The following AKT1S1 variants were observed in gnomAD, a reference collection of about 807,000 sequenced individuals.
AKT1S1 encodes proline-rich AKT1 substrate 1.
Under a neutral mutation model 21.2 loss-of-function variants are expected in AKT1S1, and 17 were observed. The ratio of observed to expected loss-of-function variants is 0.80; its 90% CI spans 0.55 to 1.20. AKT1S1 has a LOEUF of 1.20. Ranked by LOEUF, AKT1S1 falls within the 50% of genes most tolerant of loss-of-function variation. The probability of loss-of-function intolerance (pLI) is 0.00; values close to 1 mark genes in which losing one functional copy is unlikely to be tolerated. For missense variants in AKT1S1, 366 were observed against 368.3 expected (o/e 0.99, Z 0.05); for synonymous variants, 181 against 165.6 (o/e 1.09, Z -0.72).
At chr19:49,877,785 A>C, upstream of AKT1S1, 1 of 1,567,468 alleles carries the variant, frequency 6.4e-7, no homozygotes, top group East Asian at 2.3e-5. Context: ...AGTGTATGCG[A>C]AACGCCCCGT....
upstream of AKT1S1, chr19:49,877,744 G>A (rs780359182): frequency 3.8e-6 from 6 of 1,595,378 alleles, no homozygotes; most frequent in South Asian, 5.7e-5. Context: ...CCGGCTACAG[G>A]GTAAGCACTG....
In AKT1S1 at chr19:49,869,367, C is replaced by T. The variant is rs929098180; in HGVS notation, c.*550G>A. On this transcript the variant is annotated 3_prime_UTR_variant, in exon 5 of 5. Transcript: ENST00000344175. ...TTGTCGGGACGTGGGCAAAGACGAC[C>T]CCAGTCCCCGTAGTGTAAAGAACGT... is the stretch of plus-strand genomic sequence containing the variant. 4 of 152,772 alleles carry T rather than the reference C, an allele frequency of 2.6e-5. No individual in the cohort carries two copies. Among genetic ancestry groups the T allele is most frequent in the Non-Finnish European group, 5.9e-5 (4 of 68,056 alleles). The allele number at this position is 152,772 out of a possible 1,614,324, so 9.5% of individuals were successfully genotyped here.
intron 2 of AKT1S1, among the ~76,000 whole-genome samples, chr19:49,872,667 G>A (rs1031171449): frequency 3.3e-5 from 5 of 152,148 alleles, no homozygotes; most frequent in Admixed American, 6.5e-5. Context: ...AAAAAAGCCC[G>A]AGCCTGCTCT....
At chr19:49,871,777 C>T in intron 3 of AKT1S1, 35 bp downstream of exon 3, 3 of 1,611,190 alleles carry the variant, frequency 1.9e-6, no homozygotes, top group Non-Finnish European at 2.5e-6. Context: ...TGTGCCTGCC[C>T]TCAGGTCGGG....
intron 1 of AKT1S1, chr19:49,876,747 G>T (rs1199963855): frequency 7.4e-7 from 1 of 1,356,318 alleles, no homozygotes; most frequent in African/African-American, 1.5e-5. Context: ...TCAAGATGGC[G>T]GCCACAGGGG....
At chr19:49,875,947 G>A in intron 1 of AKT1S1, 3 of 985,378 alleles carry the variant, frequency 3.0e-6, no homozygotes, top group East Asian at 1.1e-4. Flanking sequence ...CCCGATAGAC[G>A]AGTTTCGTGT....
At chr19:49,878,131 C>A, upstream of AKT1S1, 2 of 1,568,496 alleles carry the variant, frequency 1.3e-6, no homozygotes, top group Non-Finnish European at 8.6e-7. Flanking sequence ...TCGCTGGTTC[C>A]CCCCAACTCA....
intron 4 of AKT1S1, 143 bp downstream of exon 4, chr19:49,871,404 C>G: frequency 8.7e-7 from 1 of 1,145,416 alleles, no homozygotes; most frequent in Non-Finnish European, 1.3e-6. Flanking sequence ...AGGCTCGTGT[C>G]CAAGAACTCG....
upstream of AKT1S1, chr19:49,878,345 G>T (rs1198544787): frequency 7.9e-7 from 1 of 1,262,932 alleles, no homozygotes. Flanking sequence ...TCAGCAGTGG[G>T]ACCTGAAGAA....
In AKT1S1 at chr19:49,869,781, G is replaced by A. The variant is rs2122359556; in HGVS notation, c.*136C>T. ...TGGAAGGACGGCGGGGATTGGCAGA[G>A]GCGGGACAATCTTGGGAATGGGAGA... On this transcript the variant is annotated 3_prime_UTR_variant, in exon 5 of 5. Transcript: ENST00000344175. The A allele has an allele frequency of 1.1e-5, 11 of 1,045,226 alleles. No individual in the cohort carries two copies. The highest frequency in any genetic ancestry group is 1.4e-5 in the Non-Finnish European group (11 of 779,952). 64.7% of individuals were successfully genotyped at this position (1,045,226 alleles called of 1,614,324 possible).
intron 1 of AKT1S1, chr19:49,876,694 T>G (rs1193230687): frequency 6.9e-7 from 1 of 1,455,258 alleles, no homozygotes; most frequent in Non-Finnish European, 9.1e-7. Flanking sequence ...TTGCCCCGCC[T>G]CCTCTCCGCA....
chr19:49,870,028 C>T lies in AKT1S1; in HGVS notation c.660G>A (p.Ala220=), dbSNP rs1332625244. The change falls in exon 5 of 5, where the codon GCG becomes GCA. Residue 220 remains alanine (A), a synonymous_variant. Coordinates refer to ENST00000344175, the MANE Select transcript of AKT1S1 (RefSeq NM_001098633.4). ...PSSPDLDRIA[A]SMRALVLREA... The stretch of plus-strand genomic sequence containing the variant: ...CTCGCAGCACCAGCGCGCGCATGCT[C>T]GCCGCGATGCGGTCCAGGTCGGGCG... 1.9e-6 allele frequency: 3 copies of T among 1,552,254 alleles called. No individual in the cohort carries two copies. The highest frequency in any genetic ancestry group is 2.5e-5 in the East Asian group (1 of 40,094).
intron 1 of AKT1S1, chr19:49,876,556 G>C (rs957784066): frequency 2.0e-6 from 3 of 1,478,984 alleles, no homozygotes; most frequent in Non-Finnish European, 2.7e-6. Flanking sequence ...GCCTCAGGAC[G>C]GCCAAATCCT....
chr19:49,869,775 G>T lies in AKT1S1; in HGVS notation c.*142C>A. ...GTGGGCTGGAAGGACGGCGGGGATT[G>T]GCAGAGGCGGGACAATCTTGGGAAT... is the stretch of plus-strand genomic sequence containing the variant. On this transcript the variant is annotated 3_prime_UTR_variant, in exon 5 of 5. Coordinates refer to ENST00000344175, the MANE Select transcript of AKT1S1 (RefSeq NM_001098633.4). 1 of 993,528 alleles carries T rather than the reference G, an allele frequency of 1.0e-6. No homozygotes were observed. The highest frequency in any genetic ancestry group is 1.4e-6 in the Non-Finnish European group (1 of 733,730). 61.5% of individuals were successfully genotyped at this position (993,528 alleles called of 1,614,324 possible). A position where few individuals can be genotyped will look rare whatever the true frequency, so the allele number is the denominator to read the frequency against.
At chr19:49,875,654 C>G (rs1355338344) in intron 1 of AKT1S1, among the ~76,000 whole-genome samples, 1 of 152,114 alleles carries the variant, frequency 6.6e-6, no homozygotes, top group East Asian at 1.9e-4. Context: ...GAGGAGGTCC[C>G]GGAAGAGAAC....
chr19:49,871,356 C>T (rs182254375), intron 4 of AKT1S1, among the ~76,000 whole-genome samples, 191 bp downstream of exon 4: 107 of 152,334 alleles, frequency 7.0e-4, no homozygotes, highest in African/African-American at 2.3e-3. Context: ...CTATAAGGCA[C>T]TAGGACACAT....
At chr19:49,878,052 A>G, upstream of AKT1S1, 1 of 1,068,524 alleles carries the variant, frequency 9.4e-7, no homozygotes, top group South Asian at 1.5e-5. Context: ...CCGCCCCCTG[A>G]GGGTGGCTCC....
intron 1 of AKT1S1, chr19:49,874,481 A>G (rs1490283290): frequency 6.6e-6 from 1 of 152,288 alleles, no homozygotes; most frequent in Admixed American, 6.5e-5. Context: ...ATGAGCATTC[A>G]TGTCACCTGA....
chr19:49,876,568 C>G (rs1283418638), intron 1 of AKT1S1: 9 of 1,492,440 alleles, frequency 6.0e-6, no homozygotes, highest in Non-Finnish European at 8.0e-6. Context: ...CCAAATCCTC[C>G]CCACACCGCG....
Sources: allele counts gnomAD v4.1 joint callset (sites outside exome capture counted in the v4.1 genomes callset), GRCh38; gene constraint gnomAD v4.1.1; transcripts MANE v1.5; gene names NCBI Gene and HGNC (gene_info 2026-07-23, HGNC 2026-07-21).